ANK2: variants seen among roughly 807,000 people sequenced by gnomAD.
The protein encoded by ANK2 is ankyrin-2.
A neutral mutation model predicts 360.5 loss-of-function variants in ANK2; 83 were observed. The ratio of observed to expected loss-of-function variants is 0.23; its 90% confidence interval spans 0.19 to 0.28. The LOEUF is 0.28. Ranked by LOEUF, ANK2 falls within the 10% of genes least tolerant of loss-of-function variation. ANK2 has a pLI of 1.00. For missense variants in ANK2, 4,201 were observed against 4,795.7 expected (o/e 0.88, Z 3.66); for synonymous variants, 1,740 against 1,759.5 (o/e 0.99, Z 0.28).
chr4:113,232,639 A>C (rs1306703794), intron 5 of ANK2, among the ~76,000 whole-genome samples: 1 of 152,048 alleles, frequency 6.6e-6, no homozygotes, highest in Admixed American at 6.5e-5. Flanking sequence ...TTTTTTTACC[A>C]TCAGAAATAA....
At chr4:112,747,081 C>G in the ANK2 span, among the ~76,000 whole-genome samples, 1 of 152,014 alleles carries the variant, frequency 6.6e-6, no homozygotes. Context: ...GGAGCAACAC[C>G]AACCTTATCT....
At chr4:112,905,331 A>G (rs2084838863) in intron 2 of ANK2, among the ~76,000 whole-genome samples, 1 of 152,164 alleles carries the variant, frequency 6.6e-6, no homozygotes, top group South Asian at 2.1e-4. Flanking sequence ...TTTGTACTAG[A>G]TTAGTAATTT....
chr4:113,176,917 G>A (rs971084199), intron 2 of ANK2, among the ~76,000 whole-genome samples: 3 of 152,128 alleles, frequency 2.0e-5, no homozygotes, highest in Non-Finnish European at 2.9e-5. Context: ...TGCTGAGACT[G>A]ATGGTTTCCA....
intron 1 of ANK2, chr4:113,160,482 A>C: frequency 4.5e-6 from 1 of 221,624 alleles, no homozygotes; most frequent in Non-Finnish European, 9.3e-6. Flanking sequence ...AAAATTTAGT[A>C]AGTCTGCAAA....
the ANK2 span, among the ~76,000 whole-genome samples, chr4:112,805,066 A>C: frequency 2.6e-5 from 4 of 152,314 alleles, no homozygotes; most frequent in South Asian, 8.3e-4. Flanking sequence ...AACACCCAGG[A>C]AGAATAGGTT....
rs79203600 is a variant in ANK2, at chr4:113,092,466, T to C, written c.84+42654T>C. ...ACTCTCAGACCCCAGCTTTGACCTA[T>C]GGAAGCGGAATTTATATTTACATCA... On this transcript the variant is annotated intron_variant, in intron 1 of 45. Coordinates refer to ENST00000357077, the MANE Select transcript of ANK2 (RefSeq NM_001148.6). 9.7e-3 allele frequency among the ~76,000 whole-genome samples: 1,449 copies of C among 149,776 alleles called. 42 individuals carry two copies. In the East Asian group the frequency reaches 0.1, roughly 11 times the overall value.
At chr4:112,881,003 CA>C (rs2076556388) in intron 1 of ANK2, 1 of 152,190 alleles carries the variant, frequency 6.6e-6, no homozygotes. Flanking sequence ...ATGCTTCTTA[CA>C]TAGAAATAAC....
chr4:112,784,350 A>AT, the ANK2 span, among the ~76,000 whole-genome samples: 9,730 of 69,486 alleles, frequency 0.14, 1,173 homozygotes, highest in East Asian at 0.47. Context: ...ACCCTGACTG[A>AT]TTTTTTTTTT....
At chr4:113,232,580 C>T (rs2153536103) in intron 5 of ANK2, among the ~76,000 whole-genome samples, 1 of 152,040 alleles carries the variant, frequency 6.6e-6, no homozygotes, top group African/African-American at 2.4e-5. Context: ...CTCTTTTCAC[C>T]AATACTTTAT....
At chr4:112,990,601 T>G (rs1311217588) in intron 2 of ANK2, among the ~76,000 whole-genome samples, 3 of 152,114 alleles carry the variant, frequency 2.0e-5, no homozygotes, top group African/African-American at 7.2e-5. Context: ...AGATCAATAT[T>G]TCATGTTTTT....
chr4:112,865,404 G>A (rs2070124252), intron 1 of ANK2, among the ~76,000 whole-genome samples: 1 of 151,908 alleles, frequency 6.6e-6, no homozygotes, highest in Admixed American at 6.6e-5. Flanking sequence ...TAATGTTTAT[G>A]GTTTTAAAAT....
At chr4:112,739,877 G>C in the ANK2 span, among the ~76,000 whole-genome samples, 1 of 152,054 alleles carries the variant, frequency 6.6e-6, no homozygotes, top group Non-Finnish European at 1.5e-5. Context: ...CCAGTCTGTA[G>C]TCCCAGCTAC....
At position 113,035,656 on chromosome 4, in the gene ANK2, T is replaced by G. The variant is rs187222778; in HGVS notation, c.21+131142T>G. The stretch of plus-strand genomic sequence containing the variant: ...CTGAAAATGCTGAAGACTAAAAATT[T>G]TTTTATGAAGAATAAAAATACAACT... On this transcript the variant is annotated intron_variant, in intron 2 of 30. Coordinates refer to the ANK2 transcript ENST00000503271. Among the ~76,000 whole-genome samples, 46 of 151,994 alleles carry G rather than the reference T, an allele frequency of 3.0e-4. No individual in the cohort carries two copies. In the East Asian group the frequency reaches 7.8e-3, roughly 26 times the overall value.
At chr4:113,377,582 TA>T (rs2096995867) in intron 45 of ANK2, among the ~76,000 whole-genome samples, 1 of 152,204 alleles carries the variant, frequency 6.6e-6, no homozygotes, top group South Asian at 2.1e-4. Context: ...ATTTTGACAC[TA>T]AATGCTGTAT....
chr4:113,119,125 T>A (rs996799664), intron 1 of ANK2, among the ~76,000 whole-genome samples: 9 of 152,204 alleles, frequency 5.9e-5, no homozygotes, highest in African/African-American at 2.2e-4. Context: ...TAGGCAAGAT[T>A]ATTGGTTAGT....
At chr4:113,026,698 C>T (rs1020495622) in intron 2 of ANK2, among the ~76,000 whole-genome samples, 5 of 152,154 alleles carry the variant, frequency 3.3e-5, no homozygotes, top group East Asian at 1.9e-4. Context: ...GAAAATAGAT[C>T]GAAGTAGCTG....
intron 15 of ANK2, among the ~76,000 whole-genome samples, chr4:113,274,929 A>G (rs866074651): frequency 6.6e-6 from 1 of 152,204 alleles, no homozygotes; most frequent in Admixed American, 6.5e-5. Context: ...CTCTTTTATT[A>G]TAAAATCCAT....
intron 2 of ANK2, among the ~76,000 whole-genome samples, chr4:113,010,099 T>A (rs1050169167): frequency 6.6e-6 from 1 of 152,188 alleles, no homozygotes. Context: ...CTTTTGCTTT[T>A]ATTTTGCCTG....
chr4:113,232,790 A>G (rs72898066), intron 5 of ANK2, among the ~76,000 whole-genome samples: 2,195 of 152,346 alleles, frequency 0.014, 63 homozygotes, highest in African/African-American at 0.05. Flanking sequence ...AAATCAGTCT[A>G]GTTTTAAAGA....
Sources: allele counts gnomAD v4.1 joint callset (sites outside exome capture counted in the v4.1 genomes callset), GRCh38; gene constraint gnomAD v4.1.1; transcripts MANE v1.5; gene names NCBI Gene and HGNC (gene_info 2026-07-23, HGNC 2026-07-21).